Variants in SHROOM4 observed in about 807,000 individuals in gnomAD.
SHROOM4 encodes the protein protein Shroom4.
Under a neutral mutation model 80.3 loss-of-function variants are expected in SHROOM4, and 17 were observed. The ratio of observed to expected loss-of-function variants is 0.21; its 90% CI spans 0.14 to 0.32. The LOEUF is 0.32. Ranked by LOEUF, SHROOM4 falls within the 10% of genes least tolerant of loss-of-function variation. SHROOM4 has a pLI of 1.00. For missense variants in SHROOM4, 993 were observed against 1,140.3 expected, an observed-to-expected ratio of 0.87 and a Z score of 1.86; for synonymous variants, 400 against 437.5, an observed-to-expected ratio of 0.91 and a Z score of 1.07.
chrX:50,752,204 C>A (rs1934937892), intron 1 of SHROOM4, among the ~76,000 whole-genome samples: 1 of 112,279 alleles, frequency 8.9e-6, no homozygotes, highest in South Asian at 3.7e-4. Context: ...GGTTCTTCAA[C>A]AGAAGACTAA....
intron 1 of SHROOM4, among the ~76,000 whole-genome samples, chrX:50,728,375 A>G (rs1557266044): frequency 1.8e-5 from 2 of 111,677 alleles, no homozygotes; most frequent in African/African-American, 6.5e-5. Flanking sequence ...AGAAAAAGAA[A>G]AAAAAGAAAT....
chrX:50,661,773 A>T (rs1932520399), intron 2 of SHROOM4, among the ~76,000 whole-genome samples: 2 of 111,840 alleles, frequency 1.8e-5, no homozygotes, highest in South Asian at 7.5e-4. Context: ...CAGTTTGGGC[A>T]TGTTGGATTG....
chrX:50,728,578 C>G (rs1022806729), intron 1 of SHROOM4, among the ~76,000 whole-genome samples: 1 of 111,687 alleles, frequency 9.0e-6, no homozygotes, highest in South Asian at 3.8e-4. Context: ...ACTGGCTGAA[C>G]AATAGGCTAT....
chrX:50,656,544 G>A (rs1044740347), intron 2 of SHROOM4, among the ~76,000 whole-genome samples: 30 of 111,684 alleles, frequency 2.7e-4, no homozygotes, highest in African/African-American at 9.4e-4. Flanking sequence ...CACCTTTGTT[G>A]AAGACCAGTT....
chrX:50,745,817 T>A (rs1289339872), intron 1 of SHROOM4, among the ~76,000 whole-genome samples: 2 of 111,986 alleles, frequency 1.8e-5, no homozygotes, highest in Non-Finnish European at 3.8e-5. Flanking sequence ...CTTGCTCAAA[T>A]GCCAATTGTT....
chrX:50,655,672 G>T (rs1429590739), intron 2 of SHROOM4, among the ~76,000 whole-genome samples: 2 of 106,703 alleles, frequency 1.9e-5, no homozygotes, highest in Non-Finnish European at 3.8e-5. Flanking sequence ...AGTGTTGTTG[G>T]ACACTTAGAT....
chrX:50,701,175 C>T (rs1433724773), intron 1 of SHROOM4, among the ~76,000 whole-genome samples: 1 of 111,997 alleles, frequency 8.9e-6, no homozygotes, highest in Admixed American at 9.5e-5. Context: ...TTAAATTTCC[C>T]TGGGGATTAG....
intron 1 of SHROOM4, among the ~76,000 whole-genome samples, chrX:50,720,613 T>C: frequency 8.9e-6 from 1 of 112,014 alleles, no homozygotes; most frequent in Middle Eastern, 4.6e-3. Context: ...CATCCCATAG[T>C]GTGTCTGACT....
chrX:50,677,642 C>T (rs897272568), intron 2 of SHROOM4, among the ~76,000 whole-genome samples: 5 of 111,705 alleles, frequency 4.5e-5, no homozygotes, highest in Non-Finnish European at 9.5e-5. Flanking sequence ...AGACGTCCAA[C>T]TTATCAGTCC....
intron 5 of SHROOM4, among the ~76,000 whole-genome samples, chrX:50,622,705 G>C (rs918566371): frequency 8.9e-6 from 1 of 111,777 alleles, no homozygotes; most frequent in Non-Finnish European, 1.9e-5. Flanking sequence ...GTGGGGGAAG[G>C]TGTGAAGGGA....
intron 1 of SHROOM4, among the ~76,000 whole-genome samples, chrX:50,813,182 G>GGCGGCA (rs1557273649): frequency 3.1e-3 from 345 of 109,876 alleles, no homozygotes; most frequent in African/African-American, 0.01. Flanking sequence ...CGGCGGCGGC[G>GGCGGCA]GCGGCAGCGG....
Position 50,593,279 on chromosome X carries a change from A to G in SHROOM4, c.*3416T>C, listed in dbSNP as rs782589123. On this transcript the variant is annotated 3_prime_UTR_variant, in exon 9 of 9. Coordinates refer to ENST00000376020, the MANE Select transcript of SHROOM4 (RefSeq NM_020717.5). Reference sequence around the variant, plus strand: ...TTCCTTTCCAGTACTTTTCAGCAGAATCTTTAGACTTCCATCACCTGAGTT... The same window carrying G: ...TTCCTTTCCAGTACTTTTCAGCAGAGTCTTTAGACTTCCATCACCTGAGTT... 50 of 112,264 alleles carry G rather than the reference A, an allele frequency of 4.5e-4. No homozygotes were observed. The highest frequency in any genetic ancestry group is 1.4e-3 in the African/African-American group (42 of 30,824). The allele number at this position is 112,264 out of a possible 1,213,427, so 9.3% of individuals were successfully genotyped here.
At chrX:50,669,225 T>C (rs1284817657) in intron 2 of SHROOM4, among the ~76,000 whole-genome samples, 3 of 111,744 alleles carry the variant, frequency 2.7e-5, no homozygotes, top group African/African-American at 9.8e-5. Context: ...GCTGCATCAA[T>C]TGACCCTTCC....
chrX:50,709,179 G>T (rs1933750490), intron 1 of SHROOM4, among the ~76,000 whole-genome samples: 1 of 111,333 alleles, frequency 9.0e-6, no homozygotes, highest in Non-Finnish European at 1.9e-5. Flanking sequence ...AAGAAGCAAC[G>T]AGAAGCTTGC....
At chrX:50,813,225 C>G (rs1168433997) in intron 1 of SHROOM4, among the ~76,000 whole-genome samples, 3 of 111,186 alleles carry the variant, frequency 2.7e-5, no homozygotes, top group Non-Finnish European at 5.7e-5. Flanking sequence ...AGCACAGCTG[C>G]GCTCCATGGC....
chrX:50,659,884 G>A (rs2147365053), intron 2 of SHROOM4, among the ~76,000 whole-genome samples: 1 of 112,175 alleles, frequency 8.9e-6, no homozygotes, highest in Non-Finnish European at 1.9e-5. Flanking sequence ...TGTGCTTAAC[G>A]ATATATACTG....
In SHROOM4 at chrX:50,685,668, C is replaced by T. The variant is rs1226402519; in HGVS notation, c.269+10118G>A. Among the ~76,000 whole-genome samples, 5 of 111,683 alleles carry T rather than the reference C, an allele frequency of 4.5e-5. No individual in the cohort carries two copies. The Admixed American group carries it at 4.7e-4, about 11-fold the overall frequency. On this transcript the variant is annotated intron_variant, in intron 2 of 8. Transcript: ENST00000376020. ...TGGTTCTAGTCTAGTCTACCTCTGT[C>T]GCTGTGTGGCCTTAGGAAAGTCCTT...
At chrX:50,810,304 T>C (rs904437390) in intron 1 of SHROOM4, among the ~76,000 whole-genome samples, 24 of 110,212 alleles carry the variant, frequency 2.2e-4, no homozygotes, top group African/African-American at 7.3e-4. Flanking sequence ...GTCCAAAGGG[T>C]CTCCCATGAC....
intron 1 of SHROOM4, among the ~76,000 whole-genome samples, chrX:50,778,346 T>C (rs1935553747): frequency 8.9e-6 from 1 of 112,336 alleles, no homozygotes; most frequent in African/African-American, 3.2e-5. Flanking sequence ...CATTGCAAGT[T>C]ATCTATTGGT....
Sources: gnomAD v4.1 joint callset for allele counts (sites outside exome capture counted in the v4.1 genomes callset) on GRCh38, gnomAD v4.1.1 for gene constraint, MANE v1.5 for transcripts, NCBI Gene and HGNC (gene_info 2026-07-23, HGNC 2026-07-21) for gene names.